Variants in CCDC149 observed in about 807,000 individuals in gnomAD.
The protein encoded by CCDC149 is coiled-coil domain-containing protein 149.
CCDC149 carries 45 observed loss-of-function variants against 59.9 expected under a neutral mutation model. The observed-to-expected ratio is 0.75, with a 90% confidence interval of 0.59 to 0.96. CCDC149 has a LOEUF of 0.96. Among genes scored for constraint, CCDC149 ranks in the 40% least tolerant of loss-of-function variants. CCDC149 has a pLI of 0.00. For synonymous variants in CCDC149, 245 were observed against 260.6 expected (o/e 0.94, Z 0.58); for missense variants, 584 against 664.7 (o/e 0.88, Z 1.33).
intron 1 of CCDC149, among the ~76,000 whole-genome samples, chr4:24,888,394 A>C (rs1720326289): frequency 6.6e-6 from 1 of 152,210 alleles, no homozygotes; most frequent in Admixed American, 6.5e-5. Flanking sequence ...CCAGTTACAC[A>C]AACTCAGTGT....
chr4:24,838,018 T>C, intron 5 of CCDC149, 138 bp downstream of exon 5: 1 of 750,046 alleles, frequency 1.3e-6, no homozygotes, highest in East Asian at 2.5e-5. Context: ...CCTAGTGCAG[T>C]GCTGAGGAAG....
intron 1 of CCDC149, among the ~76,000 whole-genome samples, chr4:24,975,360 A>G (rs1404552813): frequency 4.1e-5 from 5 of 122,940 alleles, no homozygotes; most frequent in Non-Finnish European, 8.4e-5. Flanking sequence ...AGGGGAGGGG[A>G]GGAGAAGGCA....
intron 1 of CCDC149, among the ~76,000 whole-genome samples, chr4:24,953,920 A>G (rs1723387897): frequency 6.7e-6 from 1 of 149,398 alleles, no homozygotes; most frequent in Non-Finnish European, 1.5e-5. Context: ...GAAACATTCA[A>G]AGAGAGATTT....
upstream of CCDC149, among the ~76,000 whole-genome samples, chr4:24,916,351 A>G (rs1045104703): frequency 6.6e-6 from 1 of 152,238 alleles, no homozygotes; most frequent in Non-Finnish European, 1.5e-5. Context: ...AGCTTAATCT[A>G]AAAACTTGAG....
chr4:24,869,623 C>T (rs17625455), intron 3 of CCDC149, among the ~76,000 whole-genome samples: 2,467 of 152,272 alleles, frequency 0.016, 39 homozygotes, highest in Non-Finnish European at 0.028. Context: ...GAGCAGCAGG[C>T]GAGAAACATT....
upstream of CCDC149, among the ~76,000 whole-genome samples, chr4:24,917,536 T>C (rs568621153): frequency 1.3e-5 from 2 of 152,052 alleles, no homozygotes; most frequent in African/African-American, 4.8e-5. Context: ...GGGACTAAGA[T>C]GTCAGGAGAA....
chr4:24,973,351 ACT>A (rs1724039206), intron 1 of CCDC149, among the ~76,000 whole-genome samples: 1 of 151,684 alleles, frequency 6.6e-6, no homozygotes, highest in Admixed American at 6.6e-5. Context: ...ATGGAGTCTG[ACT>A]CTTTGTGTCG....
intron 1 of CCDC149, among the ~76,000 whole-genome samples, chr4:24,878,966 G>C (rs1485625728): frequency 6.6e-6 from 1 of 152,232 alleles, no homozygotes; most frequent in African/African-American, 2.4e-5. Context: ...TTGCTTCTGG[G>C]TCTGAGATAC....
At chr4:24,912,055 T>TC (rs752415264) in intron 1 of CCDC149, among the ~76,000 whole-genome samples, 3 of 152,008 alleles carry the variant, frequency 2.0e-5, no homozygotes, top group Non-Finnish European at 4.4e-5. Context: ...AAATCCGCAT[T>TC]CCCTCTCACC....
At chr4:24,845,914 G>C (rs1717259263) in intron 4 of CCDC149, among the ~76,000 whole-genome samples, 1 of 152,212 alleles carries the variant, frequency 6.6e-6, no homozygotes, top group Non-Finnish European at 1.5e-5. Flanking sequence ...CCATCAAGCA[G>C]TTTTAAAGAA....
intron 1 of CCDC149, among the ~76,000 whole-genome samples, chr4:24,904,090 G>A (rs564971301): frequency 3.2e-4 from 48 of 152,282 alleles, no homozygotes; most frequent in African/African-American, 9.4e-4. Context: ...GTGAGCCACC[G>A]TGCCTAGCCT....
Position 24,808,744 on chromosome 4 carries a change from C to G in CCDC149, c.1268G>C (p.Arg423Thr), listed in dbSNP as rs1478755657. Residue 423 changes from arginine (R) to threonine (T), a missense_variant, in exon 13 of 13, where the codon AGG becomes ACG. Physicochemically the swap from Arg to Thr is moderately conservative, Grantham distance 71 (BLOSUM62 -1). Transcript: ENST00000635206. ...ATTTGCTGGGGAGTTGACAGCGGGCCTCCCAGCATCCTCAGGCGCTGTCAA... is the reference window on the plus strand; with the variant it reads ...ATTTGCTGGGGAGTTGACAGCGGGCGTCCCAGCATCCTCAGGCGCTGTCAA... 5 of 1,552,020 alleles carry G rather than the reference C, an allele frequency of 3.2e-6. No homozygotes were observed. In the Admixed American group the frequency reaches 9.8e-5, roughly 30 times the overall value.
intron 1 of CCDC149, among the ~76,000 whole-genome samples, chr4:24,924,763 C>T (rs1198362695): frequency 6.6e-6 from 1 of 152,142 alleles, no homozygotes; most frequent in Non-Finnish European, 1.5e-5. Flanking sequence ...ACATCATTTC[C>T]ACCACATTAT....
intron 1 of CCDC149, among the ~76,000 whole-genome samples, chr4:24,953,030 G>T (rs1723361054): frequency 6.6e-6 from 1 of 152,072 alleles, no homozygotes; most frequent in Admixed American, 6.5e-5. Flanking sequence ...ACAATACTGG[G>T]CTGCTCTGTG....
chr4:24,851,138 G>A (rs1275428563), intron 4 of CCDC149, among the ~76,000 whole-genome samples: 1 of 152,166 alleles, frequency 6.6e-6, no homozygotes. Context: ...CCCAGGTACT[G>A]GAATAAAGAC....
chr4:24,914,577 C>G (rs1487622750), upstream of CCDC149, among the ~76,000 whole-genome samples: 4 of 125,922 alleles, frequency 3.2e-5, no homozygotes, highest in African/African-American at 8.7e-5. Flanking sequence ...CCCCTCCACG[C>G]CCCCCCACCC....
chr4:24,895,327 G>T (rs1037599547), intron 1 of CCDC149, among the ~76,000 whole-genome samples: 6 of 152,154 alleles, frequency 3.9e-5, no homozygotes, highest in Non-Finnish European at 2.9e-5. Flanking sequence ...CTTAAAATGT[G>T]TGCCTCTGCT....
chr4:24,862,281 G>A (rs1000862666), intron 3 of CCDC149, among the ~76,000 whole-genome samples: 2 of 152,160 alleles, frequency 1.3e-5, no homozygotes, highest in Non-Finnish European at 2.9e-5. Flanking sequence ...CACACTCCGT[G>A]GAGGGCCATA....
chr4:24,971,818 A>G (rs999909020), intron 1 of CCDC149, among the ~76,000 whole-genome samples: 3 of 152,194 alleles, frequency 2.0e-5, no homozygotes, highest in African/African-American at 7.2e-5. Context: ...CTGATAAGAA[A>G]CATTTACAAT....
Sources: allele counts gnomAD v4.1 joint callset (sites outside exome capture counted in the v4.1 genomes callset), GRCh38; gene constraint gnomAD v4.1.1; transcripts MANE v1.5; gene names NCBI Gene and HGNC (gene_info 2026-07-23, HGNC 2026-07-21).